Variants in OSBPL1A observed in about 807,000 individuals in gnomAD.
OSBPL1A encodes the protein oxysterol-binding protein-related protein 1.
OSBPL1A carries 80 observed loss-of-function variants against 137.1 expected under a neutral mutation model. The observed-to-expected ratio is 0.58, with a 90% CI of 0.49 to 0.70. OSBPL1A has a LOEUF of 0.70. Ranked by LOEUF, OSBPL1A falls within the 30% of genes least tolerant of loss-of-function variation. OSBPL1A has a pLI of 0.00. For missense variants in OSBPL1A, 970 were observed against 1,129.4 expected (o/e 0.86, Z 2.02); for synonymous variants, 365 against 389.7 (o/e 0.94, Z 0.75).
intron 2 of OSBPL1A, among the ~76,000 whole-genome samples, chr18:24,371,517 T>C (rs1905635802): frequency 6.6e-6 from 1 of 152,188 alleles, no homozygotes; most frequent in Admixed American, 6.5e-5. Flanking sequence ...GCCCATCCCT[T>C]CCTGCTTCTC....
At chr18:24,164,514 T>C (rs8089816) in intron 27 of OSBPL1A, among the ~76,000 whole-genome samples, 98,930 of 147,772 alleles carry the variant, frequency 0.67, 33,327 homozygotes, top group East Asian at 0.82. Context: ...CTGCAAGCTC[T>C]GCCTCCCGGG....
At chr18:24,396,708 G>T (rs369748069) in intron 1 of OSBPL1A, among the ~76,000 whole-genome samples, 1 of 152,226 alleles carries the variant, frequency 6.6e-6, no homozygotes, top group African/African-American at 2.4e-5. Context: ...GGGTGGTTCA[G>T]AATTTATACC....
chr18:24,333,308 T>C (rs2091117595), intron 6 of OSBPL1A, among the ~76,000 whole-genome samples: 1 of 152,100 alleles, frequency 6.6e-6, no homozygotes, highest in African/African-American at 2.4e-5. Context: ...GGTCTCACAC[T>C]CCTCTGACAA....
chr18:24,359,676 CTAAA>C (rs927177362), intron 4 of OSBPL1A, among the ~76,000 whole-genome samples: 4 of 151,348 alleles, frequency 2.6e-5, no homozygotes, highest in East Asian at 1.9e-4. Context: ...GATCCTGTAT[CTAAA>C]TAAATAAATA....
intron 17 of OSBPL1A, among the ~76,000 whole-genome samples, chr18:24,211,900 C>T (rs1288549438): frequency 8.1e-6 from 1 of 124,192 alleles, no homozygotes; most frequent in East Asian, 2.9e-4. Context: ...CAGAGCGAAA[C>T]TCCATCTCAA....
intron 15 of OSBPL1A, among the ~76,000 whole-genome samples, chr18:24,251,286 T>C (rs1039557419): frequency 1.3e-5 from 2 of 152,160 alleles, no homozygotes; most frequent in Non-Finnish European, 2.9e-5. Flanking sequence ...CAGGTAGTGG[T>C]TACAGTGGGC....
Position 24,333,082 on chromosome 18 carries a change from T to A in OSBPL1A, c.485A>T (p.Asn162Ile). ...GTTAACATCAGGAGGATTGGGCCTG[T>A]TGAGCTAACAATTAAAAAAATGCAA... The part of the protein sequence containing the change: ...GKTTELTALL[N>I]RPNPPDVNCS... Residue 162 changes from asparagine (N) to isoleucine (I), a missense_variant, in exon 7 of 28, where the codon AAC (asparagine) becomes ATC (isoleucine). Physicochemically the swap from Asn to Ile is moderately radical, Grantham distance 149. Coordinates refer to ENST00000319481, the MANE Select transcript of OSBPL1A (RefSeq NM_080597.4). 1 of 1,612,806 alleles carries A rather than the reference T, an allele frequency of 6.2e-7. No homozygotes were observed. The highest frequency in any genetic ancestry group is 8.5e-7 in the Non-Finnish European group (1 of 1,179,442).
chr18:24,189,837 C>T (rs957270191), intron 18 of OSBPL1A, among the ~76,000 whole-genome samples: 1 of 152,198 alleles, frequency 6.6e-6, no homozygotes, highest in Non-Finnish European at 1.5e-5. Context: ...TGCCTTCTGT[C>T]CTCAGTCCTC....
intron 15 of OSBPL1A, among the ~76,000 whole-genome samples, chr18:24,241,719 G>T (rs1484695017): frequency 6.6e-6 from 1 of 152,156 alleles, no homozygotes; most frequent in Non-Finnish European, 1.5e-5. Context: ...ACAGTGTGGC[G>T]ATTCCTCAAG....
At chr18:24,228,325 C>A (rs1466578255) in intron 16 of OSBPL1A, among the ~76,000 whole-genome samples, 1 of 150,594 alleles carries the variant, frequency 6.6e-6, no homozygotes, top group Non-Finnish European at 1.5e-5. Flanking sequence ...CTCCTCTATA[C>A]TTTGCTCTCA....
intron 14 of OSBPL1A, among the ~76,000 whole-genome samples, chr18:24,281,870 C>T (rs1372776540): frequency 6.6e-6 from 1 of 152,192 alleles, no homozygotes; most frequent in East Asian, 1.9e-4. Flanking sequence ...GGCCACACAG[C>T]AAGAGGTGAG....
intron 18 of OSBPL1A, among the ~76,000 whole-genome samples, chr18:24,192,756 G>C (rs74687761): frequency 0.017 from 2,660 of 152,338 alleles, 43 homozygotes; most frequent in Non-Finnish European, 0.024. Context: ...TCCTAAGACA[G>C]AGTGAGACCT....
chr18:24,272,251 TTTTC>T, intron 15 of OSBPL1A: 1 of 982,378 alleles, frequency 1.0e-6, no homozygotes, highest in Non-Finnish European at 1.2e-6. Context: ...TTTTTTTCTT[TTTTC>T]TTTTTTTTTT....
intron 13 of OSBPL1A, chr18:24,311,579 C>T (rs2090620498): frequency 7.3e-6 from 6 of 820,720 alleles, no homozygotes; most frequent in Non-Finnish European, 8.9e-6. Flanking sequence ...TTAAAGGAAA[C>T]CTACCAACCA....
intron 17 of OSBPL1A, among the ~76,000 whole-genome samples, chr18:24,212,187 C>T (rs902523989): frequency 6.6e-6 from 1 of 151,858 alleles, no homozygotes; most frequent in Admixed American, 6.6e-5. Context: ...CCTGCCTCAG[C>T]CTCCTGAGTA....
At chr18:24,202,194 T>C (rs1045673290) in intron 17 of OSBPL1A, among the ~76,000 whole-genome samples, 1 of 152,174 alleles carries the variant, frequency 6.6e-6, no homozygotes, top group South Asian at 2.1e-4. Context: ...AAACTCTTGC[T>C]ACCACCCAGC....
chr18:24,316,539 T>A (rs2090738286), intron 11 of OSBPL1A, among the ~76,000 whole-genome samples: 1 of 151,846 alleles, frequency 6.6e-6, no homozygotes, highest in African/African-American at 2.4e-5. Flanking sequence ...CAAAATAAAT[T>A]TTAAAACAAA....
chr18:24,278,930 CAA>C (rs1207625415), intron 15 of OSBPL1A, among the ~76,000 whole-genome samples: 7 of 152,130 alleles, frequency 4.6e-5, no homozygotes, highest in Admixed American at 6.5e-5. Flanking sequence ...GGGATATTTT[CAA>C]ACAGTATTAA....
At chr18:24,217,408 C>T in intron 17 of OSBPL1A, among the ~76,000 whole-genome samples, 1 of 152,044 alleles carries the variant, frequency 6.6e-6, no homozygotes. Flanking sequence ...CAGGCACCCG[C>T]CACCACGCCC....
Sources: gnomAD v4.1 joint callset for allele counts (sites outside exome capture counted in the v4.1 genomes callset) on GRCh38, gnomAD v4.1.1 for gene constraint, MANE v1.5 for transcripts, NCBI Gene and HGNC (gene_info 2026-07-23, HGNC 2026-07-21) for gene names.